VASH2: variants seen among roughly 807,000 people sequenced by gnomAD.
VASH2 encodes vasohibin 2.
VASH2 carries 28 observed loss-of-function variants against 37.2 expected under a neutral mutation model. That is an observed-to-expected ratio of 0.75 (90% CI 0.56 to 1.03). The LOEUF is 1.03. VASH2 is among the 50% of genes least tolerant of loss of function. The pLI is 0.00. For missense variants in VASH2, 419 were observed against 459.1 expected (o/e 0.91, Z 0.80); for synonymous variants, 188 against 174.7 (o/e 1.08, Z -0.60).
At position 212,951,426 on chromosome 1, in the gene VASH2, G is replaced by T; in HGVS notation, c.-117G>T. 1 of 488,774 alleles carries T rather than the reference G, an allele frequency of 2.0e-6. No individual in the cohort carries two copies. Among genetic ancestry groups the T allele is most frequent in the South Asian group, 8.2e-5 (1 of 12,220 alleles). 30.3% of individuals were successfully genotyped at this position (488,774 alleles called of 1,614,324 possible). ...TGCCGCAGCGAGAGGCATGGAGAAG[G>T]CCGCCCCCGCGGGGCGCTGATCCCC... On this transcript the variant is annotated 5_prime_UTR_variant, in exon 2 of 8. Transcript: ENST00000517399. The surrounding 1 kb of genome is among the most constrained non-coding windows in gnomAD (Gnocchi z 4.4).
chr1:212,965,140 C>T (rs560972843), intron 3 of VASH2, among the ~76,000 whole-genome samples: 15 of 152,290 alleles, frequency 9.8e-5, no homozygotes, highest in South Asian at 8.3e-4. Context: ...AGGCTGGTGT[C>T]GAACTCCTGA....
chr1:212,979,876 C>A (rs1239833759), intron 7 of VASH2, among the ~76,000 whole-genome samples: 1 of 152,140 alleles, frequency 6.6e-6, no homozygotes, highest in African/African-American at 2.4e-5. Flanking sequence ...ATTCATGTTT[C>A]AAAGGCCATC....
At chr1:212,955,803 C>G (rs1666471826) in intron 2 of VASH2, among the ~76,000 whole-genome samples, 1 of 152,196 alleles carries the variant, frequency 6.6e-6, no homozygotes, top group South Asian at 2.1e-4. Flanking sequence ...AAGGGCTGTC[C>G]CTGCCCGCTG....
At position 212,963,937 on chromosome 1, in the gene VASH2, T is replaced by G. The variant is rs923821623; in HGVS notation, c.366-1785T>G. 2.6e-4 allele frequency among the ~76,000 whole-genome samples: 38 copies of G among 143,494 alleles called. 1 individual carries two copies. Among genetic ancestry groups the G allele is most frequent in the African/African-American group, 9.7e-4 (38 of 39,318 alleles). 94.1% of individuals were successfully genotyped at this position (143,494 alleles called of 152,430 possible). On this transcript the variant is annotated intron_variant, in intron 3 of 7. Transcript: ENST00000517399. ...TAAAATTTTTGGTGAGGTAAAGAAA[T>G]CACTTCACAATGAGAATATTTAGCC...
At chr1:212,968,110 T>A (rs75089146) in intron 5 of VASH2, 5 of 696,930 alleles carry the variant, frequency 7.2e-6, no homozygotes, top group Non-Finnish European at 8.8e-6. Flanking sequence ...GAGCTCAGAT[T>A]TGGACATGTG....
At chr1:212,981,120 C>T (rs1244865751) in intron 7 of VASH2, among the ~76,000 whole-genome samples, 1 of 152,196 alleles carries the variant, frequency 6.6e-6, no homozygotes, top group East Asian at 1.9e-4. Context: ...GGAGAAGTGA[C>T]ATCAGAGCCT....
intron 3 of VASH2, among the ~76,000 whole-genome samples, chr1:212,962,758 G>A (rs61832429): frequency 0.011 from 1,613 of 152,278 alleles, 12 homozygotes; most frequent in Non-Finnish European, 0.016. Flanking sequence ...AGGTAGCGCC[G>A]GTCTCCAAGA....
chr1:212,957,061 C>G (rs1666519546), intron 2 of VASH2, among the ~76,000 whole-genome samples: 2 of 152,196 alleles, frequency 1.3e-5, no homozygotes, highest in African/African-American at 4.8e-5. Context: ...AACGACCATT[C>G]TACTTTGTGT....
chr1:212,974,696 T>A (rs1215057108), intron 7 of VASH2: 2 of 152,258 alleles, frequency 1.3e-5, no homozygotes, highest in South Asian at 4.1e-4. Context: ...TCACCAGCGA[T>A]AATCCGCTGG....
At chr1:212,975,864 G>A (rs1005573390) in intron 7 of VASH2, among the ~76,000 whole-genome samples, 1 of 152,176 alleles carries the variant, frequency 6.6e-6, no homozygotes, top group Non-Finnish European at 1.5e-5. Flanking sequence ...GGACATGAAG[G>A]CCCAAGCATT....
chr1:212,964,264 G>T (rs1374590635), intron 3 of VASH2, among the ~76,000 whole-genome samples: 2 of 152,172 alleles, frequency 1.3e-5, no homozygotes, highest in Admixed American at 1.3e-4. Flanking sequence ...GAGTGACCAA[G>T]CACAGCTGTG....
chr1:212,982,814 G>T (rs1237827813), intron 7 of VASH2, among the ~76,000 whole-genome samples: 1 of 152,176 alleles, frequency 6.6e-6, no homozygotes, highest in Non-Finnish European at 1.5e-5. Context: ...CTTAGTGGAA[G>T]GTGGCAGGGG....
At chr1:212,972,549 C>G in intron 5 of VASH2, 31 bp from the exon 6 acceptor site, 2 of 1,593,488 alleles carry the variant, frequency 1.3e-6, no homozygotes. Context: ...TTCAAGGCCT[C>G]CTTTCTCTTC....
intron 5 of VASH2, chr1:212,968,353 GGAGA>G: frequency 2.0e-6 from 2 of 985,484 alleles, no homozygotes; most frequent in Non-Finnish European, 2.4e-6. Flanking sequence ...AAGAAAACCA[GGAGA>G]GAAAGGGGAT....
chr1:212,968,722 G>A, intron 5 of VASH2: 1 of 985,482 alleles, frequency 1.0e-6, no homozygotes, highest in Non-Finnish European at 1.2e-6. Context: ...TTAGTGGCAG[G>A]AGTCAGCCAC....
rs184309996 is a variant in VASH2 at position 212,990,752 on chromosome 1, A to G, written c.*2168A>G. 2.6e-5 allele frequency: 4 copies of G among 152,256 alleles called. No individual in the cohort carries two copies. Among genetic ancestry groups the G allele is most frequent in the Admixed American group, 2.6e-4 (4 of 15,294 alleles). 9.4% of individuals were successfully genotyped at this position (152,256 alleles called of 1,614,324 possible). Reference sequence around the variant, plus strand: ...ACACCCGCTCCTTGATTTTTAGACTAATTTTCCCAAAGCAAGGTTTAGTCA... The same window carrying G: ...ACACCCGCTCCTTGATTTTTAGACTGATTTTCCCAAAGCAAGGTTTAGTCA... On this transcript the variant is annotated 3_prime_UTR_variant, in exon 8 of 8. Transcript: ENST00000517399.
chr1:212,967,431 T>C, intron 5 of VASH2: 1 of 1,180,626 alleles, frequency 8.5e-7, no homozygotes, highest in Non-Finnish European at 1.1e-6. Flanking sequence ...TGGATGGCTG[T>C]AAGGGACAGT....
At chr1:212,985,198 CTTTT>C (rs55804989) in intron 7 of VASH2, among the ~76,000 whole-genome samples, 2 of 100,814 alleles carry the variant, frequency 2.0e-5, no homozygotes, top group East Asian at 2.7e-4. Flanking sequence ...ATTTTTTTTG[CTTTT>C]TTTTTTTTTT....
At chr1:212,960,538 A>G (rs909321367) in intron 2 of VASH2, among the ~76,000 whole-genome samples, 1 of 152,166 alleles carries the variant, frequency 6.6e-6, no homozygotes, top group Non-Finnish European at 1.5e-5. Flanking sequence ...TCGCTAGGGC[A>G]CCATTCACTT....
Sources: gnomAD v4.1 joint callset for allele counts (sites outside exome capture counted in the v4.1 genomes callset) on GRCh38, gnomAD v4.1.1 for gene constraint, Gnocchi (gnomAD v3.1) non-coding constraint, MANE v1.5 for transcripts, NCBI Gene and HGNC (gene_info 2026-07-23, HGNC 2026-07-21) for gene names.